Variants in FAM83E observed in about 807,000 individuals in gnomAD.
FAM83E encodes scaffolding CK1 anchoring protein E.
In FAM83E, 29 loss-of-function variants were observed where a neutral mutation model predicts 34.3. The observed-to-expected ratio is 0.85, with a 90% confidence interval of 0.63 to 1.15. The LOEUF is 1.15. FAM83E is among the 50% of genes most tolerant of loss of function. The probability of loss-of-function intolerance (pLI) is 0.00; values close to 1 mark genes in which losing one functional copy is unlikely to be tolerated. For missense variants in FAM83E, 697 were observed against 685.0 expected, an observed-to-expected ratio of 1.02 and a Z score of -0.20; for synonymous variants, 312 against 311.6, an observed-to-expected ratio of 1.00 and a Z score of -0.01.
chr19:48,610,031 T>C (rs1601130560), intron 4 of FAM83E, 31 bp from the exon 5 acceptor site: 1 of 1,603,442 alleles, frequency 6.2e-7, no homozygotes. Flanking sequence ...GGGTACACCC[T>C]TGCTGAGGCC....
chr19:48,603,533 G>A lies in FAM83E; in HGVS notation c.1137C>T (p.Arg379=). Residue 379 remains arginine (R), a synonymous_variant, in exon 6 of 7, where the codon CGC becomes CGT. Coordinates refer to ENST00000263266, the MANE Select transcript of FAM83E (RefSeq NM_017708.4). ...CACTGGAGCCAGACAGCTGGGACAGGCGGCTTAGGTCCCACATGGAGCGGC... is the reference window on the plus strand; with the variant it reads ...CACTGGAGCCAGACAGCTGGGACAGACGGCTTAGGTCCCACATGGAGCGGC... The part of the protein sequence containing the change: ...RPSRSMWDLS[R]LSQLSGSSDG... 3.8e-6 allele frequency: 6 copies of A among 1,569,590 alleles called. No homozygotes were observed. Among genetic ancestry groups the A allele is most frequent in the Non-Finnish European group, 5.1e-6 (6 of 1,166,002 alleles).
chr19:48,605,570 A>G (rs986937001), intron 5 of FAM83E, among the ~76,000 whole-genome samples: 1 of 142,620 alleles, frequency 7.0e-6, no homozygotes, highest in Non-Finnish European at 1.5e-5. Flanking sequence ...GCAAGATCCT[A>G]TTTTTTTTTT....
chr19:48,613,347 A>G lies in FAM83E; in HGVS notation c.26T>C (p.Leu9Pro), dbSNP rs1601134334. The G allele has an allele frequency of 6.4e-7, 1 of 1,573,552 alleles. No homozygotes were observed. The highest frequency in any genetic ancestry group is 8.6e-7 in the Non-Finnish European group (1 of 1,160,156). ...CCTGGGACCGGAGTCCACTCCTTCC[A>G]GCGCCGCCAGCTGGGAGGCCGCCAT... MAASQLAA[L>P]EGVDSGPRVP... Residue 9 changes from leucine to proline, a missense_variant, in exon 3 of 7, where the codon CTG becomes CCG. By Grantham distance (98) the Leu-to-Pro change is moderately conservative. Coordinates refer to ENST00000263266, the MANE Select transcript of FAM83E (RefSeq NM_017708.4).
At position 48,609,944 on chromosome 19, in the gene FAM83E, C is replaced by T; in HGVS notation, c.690G>A (p.Gln230=). 1.2e-6 allele frequency: 2 copies of T among 1,613,138 alleles called. No homozygotes were observed. Among genetic ancestry groups the T allele is most frequent in the East Asian group, 2.2e-5 (1 of 44,872 alleles). The change falls in exon 5 of 7, where the codon CAG becomes CAA. Residue 230 remains glutamine, a synonymous_variant. Coordinates refer to ENST00000263266, the MANE Select transcript of FAM83E (RefSeq NM_017708.4). ...GCSFQSRWRR[Q]VSGTVREKFV... is the part of the protein sequence containing the mutation. ...ACTTCTCCCGCACGGTGCCGCTCAC[C>T]TGCCGTCGCCAGCGGCTCTGGAAGC...
chr19:48,603,677 C>T lies in FAM83E; in HGVS notation c.993G>A (p.Pro331=), dbSNP rs938200092. ...APASPPPPDG[P]LAHRLAACRV... is the part of the protein sequence containing the mutation. Reference sequence around the variant, plus strand: ...GGCAGGCGGCCAGGCGGTGGGCCAGCGGGCCGTCAGGCGGCGGAGGCGACG... The same window carrying T: ...GGCAGGCGGCCAGGCGGTGGGCCAGTGGGCCGTCAGGCGGCGGAGGCGACG... The change falls in exon 6 of 7, where the codon CCG becomes CCA. Residue 331 remains proline, a synonymous_variant. Transcript: ENST00000263266. 52 of 1,294,956 alleles carry T rather than the reference C, an allele frequency of 4.0e-5. No homozygotes were observed. Among genetic ancestry groups the T allele is most frequent in the Admixed American group, 1.2e-4 (3 of 24,532 alleles). The allele number at this position is 1,294,956 out of a possible 1,614,324, so 80.2% of individuals were successfully genotyped here. A position where few individuals can be genotyped will look rare whatever the true frequency, so the allele number is the denominator to read the frequency against.
Position 48,609,795 on chromosome 19 carries a change from G to A in FAM83E, c.758+81C>T, listed in dbSNP as rs1013540882. On this transcript the variant is annotated intron_variant, in intron 5 of 6. Coordinates refer to ENST00000263266, the MANE Select transcript of FAM83E (RefSeq NM_017708.4). The stretch of plus-strand genomic sequence containing the variant: ...GAGAAAAGAGAGGCCTGGGCAAGGG[G>A]ATGCCAGCTGTTCTCTGAGCACACT... The A allele has an allele frequency of 7.5e-6, 11 of 1,457,802 alleles. No homozygotes were observed. The Admixed American group carries it at 8.6e-5, about 11-fold the overall frequency. The allele number at this position is 1,457,802 out of a possible 1,614,324, so 90.3% of individuals were successfully genotyped here.
chr19:48,610,029 C>G (rs894918586), intron 4 of FAM83E, 29 bp from the exon 5 acceptor site: 1 of 1,603,924 alleles, frequency 6.2e-7, no homozygotes, highest in Non-Finnish European at 8.5e-7. Flanking sequence ...GAGGGTACAC[C>G]CTTGCTGAGG....
intron 5 of FAM83E, among the ~76,000 whole-genome samples, chr19:48,608,447 T>TC (rs1485981223): frequency 2.4e-4 from 35 of 146,696 alleles, no homozygotes; most frequent in African/African-American, 8.9e-4. Context: ...CTTTTTTTTT[T>TC]TTTTTTTTAT....
In FAM83E at chr19:48,601,254, A is replaced by G; in HGVS notation, c.1292T>C (p.Leu431Pro). Reference protein sequence around the residue: ...VDSRPPWGGALPLPPAHRLRY... With the variant: ...VDSRPPWGGAPPLPPAHRLRY... ...GAGGCGGTGGGCGGGGGGCAGGGGCAGGGCACCGCCCCACGGAGGTCGGGA... is the reference window on the plus strand; with the variant it reads ...GAGGCGGTGGGCGGGGGGCAGGGGCGGGGCACCGCCCCACGGAGGTCGGGA... Residue 431 changes from leucine (L) to proline (P), a missense_variant, in exon 7 of 7, where the codon CTG becomes CCG. By Grantham distance (98) the Leu-to-Pro change is moderately conservative. Transcript: ENST00000263266. 2 of 1,602,534 alleles carry G rather than the reference A, an allele frequency of 1.2e-6. No homozygotes were observed. Among genetic ancestry groups the G allele is most frequent in the Non-Finnish European group, 8.5e-7 (1 of 1,174,096 alleles).
At chr19:48,607,575 C>T (rs1202935327) in intron 5 of FAM83E, 1 of 599,790 alleles carries the variant, frequency 1.7e-6, no homozygotes, top group Non-Finnish European at 3.0e-6. Flanking sequence ...GATTGTATTA[C>T]TCTGTTCCAC....
chr19:48,613,150 T>A lies in FAM83E; in HGVS notation c.223A>T (p.Thr75Ser), dbSNP rs754759051. ...QGLAAAAEDW[T>S]VAKQEPSGMA... ...CCGCTGGGCTCCTGCTTGGCCACTG[T>A]CCAGTCTTCAGCTGCCGCTGCCAAG... The change falls in exon 3 of 7, where the codon ACA becomes TCA. Residue 75 changes from threonine (T) to serine (S), a missense_variant. Thr to Ser is a moderately conservative substitution (Grantham distance 58). Transcript: ENST00000263266. 3.1e-6 allele frequency: 5 copies of A among 1,612,032 alleles called. No homozygotes were observed. The Admixed American group carries it at 6.7e-5, about 21-fold the overall frequency.
rs866286052 is a variant in FAM83E, at chr19:48,602,730, T to A, written c.1176+764A>T. Among the ~76,000 whole-genome samples, 483 of 96,348 alleles carry A rather than the reference T, an allele frequency of 5.0e-3. 67 individuals carry two copies. Among genetic ancestry groups the A allele is most frequent in the African/African-American group, 0.01 (238 of 23,496 alleles). 63.2% of individuals were successfully genotyped at this position (96,348 alleles called of 152,430 possible). A position where few individuals can be genotyped will look rare whatever the true frequency, so the allele number is the denominator to read the frequency against. ...ATATATATATATATATATATATATA[T>A]ATATATATATATATATATATATAGC... On this transcript the variant is annotated intron_variant, in intron 6 of 6. Transcript: ENST00000263266.
Position 48,613,594 on chromosome 19 carries a change from G to T in FAM83E, c.-222C>A, listed in dbSNP as rs925747497. On this transcript the variant is annotated 5_prime_UTR_variant, in exon 3 of 7. Coordinates refer to ENST00000263266, the MANE Select transcript of FAM83E (RefSeq NM_017708.4). Reference sequence around the variant, plus strand: ...CTGCCCAAATAAGCGACCATCCAATGTGTCAGGCCACTCAGATCCGCCACC... The same window carrying T: ...CTGCCCAAATAAGCGACCATCCAATTTGTCAGGCCACTCAGATCCGCCACC... 6.5e-6 allele frequency: 9 copies of T among 1,391,304 alleles called. No homozygotes were observed. In the Admixed American group the frequency reaches 1.3e-4, roughly 19 times the overall value. The allele number at this position is 1,391,304 out of a possible 1,614,324, so 86.2% of individuals were successfully genotyped here. A position where few individuals can be genotyped will look rare whatever the true frequency, so the allele number is the denominator to read the frequency against.
At chr19:48,608,462 T>C (rs1300135914) in intron 5 of FAM83E, among the ~76,000 whole-genome samples, 1 of 146,622 alleles carries the variant, frequency 6.8e-6, no homozygotes, top group South Asian at 2.2e-4. Context: ...TTTTATTTTT[T>C]GAGACAGAGT....
At chr19:48,602,597 C>T (rs1309191277) in intron 6 of FAM83E, among the ~76,000 whole-genome samples, 8 of 147,190 alleles carry the variant, frequency 5.4e-5, no homozygotes, top group Admixed American at 1.4e-4. Context: ...GCCCATCCCC[C>T]GTCTCCTCTC....
At position 48,606,850 on chromosome 19, in the gene FAM83E, T is replaced by C. The variant is rs1406609291; in HGVS notation, c.759-2939A>G. On this transcript the variant is annotated intron_variant, in intron 5 of 6. Transcript: ENST00000263266. ...CAGAGGACACTCCAGGCGCTGACCCTGGGAGGCCAGGACCAGGGCCAAAGT... is the reference window on the plus strand; with the variant it reads ...CAGAGGACACTCCAGGCGCTGACCCCGGGAGGCCAGGACCAGGGCCAAAGT... 5.8e-6 allele frequency: 7 copies of C among 1,213,820 alleles called. No homozygotes were observed. The East Asian group carries it at 1.5e-4, about 26-fold the overall frequency. The allele number at this position is 1,213,820 out of a possible 1,614,324, so 75.2% of individuals were successfully genotyped here.
At chr19:48,602,339 G>A (rs1177999404) in intron 6 of FAM83E, among the ~76,000 whole-genome samples, 1 of 150,890 alleles carries the variant, frequency 6.6e-6, no homozygotes, top group East Asian at 2.0e-4. Flanking sequence ...GGGACAGAAA[G>A]GAGAGGGATG....
rs747234418 is a variant in FAM83E at position 48,609,873 on chromosome 19, C to T, written c.758+3G>A. ...GAGGTGGGGGGCGGGGCGGGGGCTA[C>T]ACCTGTAGGATCCTGAGATGACCCT... is the stretch of plus-strand genomic sequence containing the variant. On this transcript the variant is annotated splice_donor_region_variant and intron_variant, in intron 5 of 6. Coordinates refer to ENST00000263266, the MANE Select transcript of FAM83E (RefSeq NM_017708.4). 7 of 1,612,280 alleles carry T rather than the reference C, an allele frequency of 4.3e-6. No individual in the cohort carries two copies. Among genetic ancestry groups the T allele is most frequent in the Non-Finnish European group, 5.9e-6 (7 of 1,179,774 alleles).
In FAM83E at chr19:48,601,243, G is replaced by T; in HGVS notation, c.1303C>A (p.Pro435Thr). Residue 435 changes from proline (P) to threonine (T), a missense_variant, in exon 7 of 7, where the codon CCC becomes ACC. Pro to Thr is a conservative substitution (Grantham distance 38). Transcript: ENST00000263266. ...GACAGATAGCGGAGGCGGTGGGCGG[G>T]GGGCAGGGGCAGGGCACCGCCCCAC... is the stretch of plus-strand genomic sequence containing the variant. ...PPWGGALPLP[P>T]AHRLRYLSPA... The T allele has an allele frequency of 6.2e-7, 1 of 1,603,630 alleles. No homozygotes were observed. Among genetic ancestry groups the T allele is most frequent in the Non-Finnish European group, 8.5e-7 (1 of 1,174,468 alleles).
Sources: allele counts gnomAD v4.1 joint callset (sites outside exome capture counted in the v4.1 genomes callset), GRCh38; gene constraint gnomAD v4.1.1; transcripts MANE v1.5; gene names NCBI Gene and HGNC (gene_info 2026-07-23, HGNC 2026-07-21).